Variants in CBFA2T3 observed in about 807,000 individuals in gnomAD.
The protein encoded by CBFA2T3 is CBFA2/RUNX1 partner transcriptional co-repressor 3, also known as transcriptional corepressor CBFA2T3.
In CBFA2T3, 31 loss-of-function variants were observed where a neutral mutation model predicts 58.6. The observed-to-expected ratio is 0.53, with a 90% CI of 0.40 to 0.71. The LOEUF is 0.71. CBFA2T3 is among the 30% of genes least tolerant of loss of function. CBFA2T3 has a pLI of 0.00. For missense variants in CBFA2T3, 1,076 were observed against 963.1 expected, an observed-to-expected ratio of 1.12 and a Z score of -1.55; for synonymous variants, 531 against 421.9, an observed-to-expected ratio of 1.26 and a Z score of -3.17.
chr16:88,931,864 G>C (rs1971317797), intron 1 of CBFA2T3, among the ~76,000 whole-genome samples: 1 of 152,126 alleles, frequency 6.6e-6, no homozygotes, highest in Non-Finnish European at 1.5e-5. Flanking sequence ...GTGCAGAGGG[G>C]ATGGGGAGGA....
intron 1 of CBFA2T3, among the ~76,000 whole-genome samples, chr16:88,916,696 C>A (rs1433151799): frequency 6.6e-6 from 1 of 152,110 alleles, no homozygotes; most frequent in African/African-American, 2.4e-5. Context: ...CCCTCCTTGC[C>A]TCCCAGCCCT....
At chr16:88,941,822 G>A (rs1971747071) in intron 1 of CBFA2T3, 1 of 148,208 alleles carries the variant, frequency 6.7e-6, no homozygotes, top group African/African-American at 2.5e-5. Flanking sequence ...CGCGGCTTCT[G>A]GCGGCCGCGC....
intron 1 of CBFA2T3, among the ~76,000 whole-genome samples, chr16:88,914,743 A>C (rs1458940733): frequency 1.3e-5 from 2 of 152,164 alleles, no homozygotes; most frequent in Non-Finnish European, 2.9e-5. Context: ...CGGTTGAGCA[A>C]AGCCTGGAAA....
rs1391591066 is a variant in CBFA2T3 at position 88,875,942 on chromosome 16, C to T, written c.*1034G>A. On this transcript the variant is annotated 3_prime_UTR_variant, in exon 12 of 12. Coordinates refer to ENST00000268679, the MANE Select transcript of CBFA2T3 (RefSeq NM_005187.6). The stretch of plus-strand genomic sequence containing the variant: ...ACACGGACCACGCACACGCGGCGGA[C>T]GCACCAACGCCTACGCAGAAGAGAA... The T allele has an allele frequency of 1.7e-5, 4 of 233,072 alleles. No individual in the cohort carries two copies. Among genetic ancestry groups the T allele is most frequent in the African/African-American group, 4.4e-5 (2 of 45,294 alleles). 14.4% of individuals were successfully genotyped at this position (233,072 alleles called of 1,614,324 possible).
At chr16:88,879,028 C>T (rs1296968351) in intron 11 of CBFA2T3, among the ~76,000 whole-genome samples, 1 of 152,258 alleles carries the variant, frequency 6.6e-6, no homozygotes, top group African/African-American at 2.4e-5. Context: ...AAGCTGCCAA[C>T]CCTCTCGAGC....
At chr16:88,913,788 G>A (rs938963943) in intron 1 of CBFA2T3, among the ~76,000 whole-genome samples, 8 of 152,190 alleles carry the variant, frequency 5.3e-5, no homozygotes, top group East Asian at 1.9e-4. Context: ...CCTCAGAGAG[G>A]GCTGGGTAGA....
chr16:88,882,217 C>T (rs563975041), intron 8 of CBFA2T3, among the ~76,000 whole-genome samples: 2 of 152,362 alleles, frequency 1.3e-5, no homozygotes, highest in South Asian at 4.1e-4. Flanking sequence ...GGCGCCCACA[C>T]AGCCCTGCTG....
chr16:88,968,361 A>G (rs1486196524), intron 1 of CBFA2T3, among the ~76,000 whole-genome samples: 2 of 152,118 alleles, frequency 1.3e-5, no homozygotes, highest in Non-Finnish European at 2.9e-5. Context: ...AGAGCCCCCC[A>G]GGTGGGGACG....
chr16:88,938,565 AC>A (rs1455185301), intron 1 of CBFA2T3: 4 of 152,214 alleles, frequency 2.6e-5, no homozygotes, highest in Non-Finnish European at 1.5e-5. Flanking sequence ...AGGCTCCACG[AC>A]CCTGTGAGCA....
chr16:88,929,802 ATGG>A (rs1567615019), intron 1 of CBFA2T3, among the ~76,000 whole-genome samples: 8 of 149,534 alleles, frequency 5.3e-5, no homozygotes, highest in Admixed American at 1.3e-4. Flanking sequence ...CCACAGCTGC[ATGG>A]TCCACACAAA....
chr16:88,906,090 A>G (rs1395386435), intron 1 of CBFA2T3, among the ~76,000 whole-genome samples: 1 of 151,912 alleles, frequency 6.6e-6, no homozygotes, highest in African/African-American at 2.4e-5. Context: ...CTCCGCCATC[A>G]CTCGAAATGG....
In CBFA2T3 at chr16:88,885,911, G is replaced by A. The variant is rs1363184637; in HGVS notation, c.893+50C>T. The A allele has an allele frequency of 1.3e-6, 2 of 1,486,046 alleles. No individual in the cohort carries two copies. Among genetic ancestry groups the A allele is most frequent in the East Asian group, 4.9e-5 (2 of 40,570 alleles). The allele number at this position is 1,486,046 out of a possible 1,614,324, so 92.1% of individuals were successfully genotyped here. On this transcript the variant is annotated intron_variant, in intron 6 of 11. Coordinates refer to ENST00000268679, the MANE Select transcript of CBFA2T3 (RefSeq NM_005187.6). The surrounding 1 kb of genome is among the most constrained non-coding windows in gnomAD (Gnocchi z 5.3). ...TCTTACCCAGAGGGGAGCAGGGTGA[G>A]CCGCGTGTCCACGGCACCCCCAGCC...
intron 3 of CBFA2T3, among the ~76,000 whole-genome samples, chr16:88,896,245 C>G (rs905739875): frequency 6.6e-6 from 1 of 152,198 alleles, no homozygotes; most frequent in Non-Finnish European, 1.5e-5. Flanking sequence ...AGGATTGAGA[C>G]ATCTCTGTTG....
rs111973099 is a variant in CBFA2T3 at position 88,951,127 on chromosome 16, C to T, written c.151+25530G>A. 288 of 364,178 alleles carry T rather than the reference C, an allele frequency of 7.9e-4. 12 individuals carry two copies. In the East Asian group the frequency reaches 0.02, roughly 25 times the overall value. 22.6% of individuals were successfully genotyped at this position (364,178 alleles called of 1,614,324 possible). A position where few individuals can be genotyped will look rare whatever the true frequency, so the allele number is the denominator to read the frequency against. ...GGTCAGAGTGTTGGCACCTGTCTTC[C>T]GGATCTGTTCACCCCTCCCCTGGAT... On this transcript the variant is annotated intron_variant, in intron 1 of 11. Transcript: ENST00000268679.
At chr16:88,923,025 C>T (rs1318370134) in intron 1 of CBFA2T3, among the ~76,000 whole-genome samples, 3 of 152,198 alleles carry the variant, frequency 2.0e-5, no homozygotes, top group Non-Finnish European at 2.9e-5. Context: ...CTTTACAGGC[C>T]CCCAGCGCCC....
chr16:88,885,892 C>A lies in CBFA2T3; in HGVS notation c.893+69G>T. The A allele has an allele frequency of 7.2e-7, 1 of 1,393,518 alleles. No homozygotes were observed. Among genetic ancestry groups the A allele is most frequent in the African/African-American group, 1.4e-5 (1 of 69,832 alleles). 86.3% of individuals were successfully genotyped at this position (1,393,518 alleles called of 1,614,324 possible). On this transcript the variant is annotated intron_variant, in intron 6 of 11. Coordinates refer to ENST00000268679, the MANE Select transcript of CBFA2T3 (RefSeq NM_005187.6). The surrounding 1 kb of genome is among the most constrained non-coding windows in gnomAD (Gnocchi z 5.3). ...CCCCAGAGGAGGTTCCCTCTCTTAC[C>A]CAGAGGGGAGCAGGGTGAGCCGCGT...
At chr16:88,899,940 T>C (rs1348960185) in intron 2 of CBFA2T3, among the ~76,000 whole-genome samples, 1 of 152,078 alleles carries the variant, frequency 6.6e-6, no homozygotes, top group Non-Finnish European at 1.5e-5. Context: ...AGACGGCCCG[T>C]GGTTTGTACC....
At chr16:88,894,343 T>C (rs373794856) in intron 3 of CBFA2T3, among the ~76,000 whole-genome samples, 2 of 78,628 alleles carry the variant, frequency 2.5e-5, no homozygotes, top group African/African-American at 1.2e-4. Context: ...CACGCACACA[T>C]GCACACACAC....
chr16:88,925,692 G>C (rs1249402213), intron 1 of CBFA2T3, among the ~76,000 whole-genome samples: 2 of 152,162 alleles, frequency 1.3e-5, no homozygotes, highest in East Asian at 3.9e-4. Context: ...TTCTTCAGGG[G>C]CCGTCCCTCA....
Sources: allele counts gnomAD v4.1 joint callset (sites outside exome capture counted in the v4.1 genomes callset), GRCh38; gene constraint gnomAD v4.1.1; non-coding constraint Gnocchi (gnomAD v3.1); transcripts MANE v1.5; gene names NCBI Gene and HGNC (gene_info 2026-07-23, HGNC 2026-07-21).